Variants in PARP6 observed in about 807,000 individuals in gnomAD.
PARP6 encodes the protein protein mono-ADP-ribosyltransferase PARP6.
Under a neutral mutation model 92.0 loss-of-function variants are expected in PARP6, and 27 were observed. That is an observed-to-expected ratio of 0.29 (90% confidence interval 0.22 to 0.40). The LOEUF is 0.40. Among genes scored for constraint, PARP6 ranks in the 10% least tolerant of loss-of-function variants. PARP6 has a pLI of 1.00. For missense variants in PARP6, 501 were observed against 784.5 expected (o/e 0.64, Z 4.32); for synonymous variants, 272 against 281.2 (o/e 0.97, Z 0.33).
At chr15:72,251,068 A>G in intron 17 of PARP6, 114 bp from the exon 18 acceptor site, 2 of 991,164 alleles carry the variant, frequency 2.0e-6, no homozygotes, top group South Asian at 1.3e-5. Flanking sequence ...ACACAAGGGA[A>G]ATATGCTAAG....
Position 72,242,653 on chromosome 15 carries a change from G to T in PARP6, c.1608C>A (p.Val536=), listed in dbSNP as rs1194031262. ...TGGTATTCATCCTGTTGTATCTCTG[G>T]ACCAGCTCATCCTTGGAGGGCATCC... is the stretch of plus-strand genomic sequence containing the variant. ...QHRMPSKDEL[V]QRYNRMNTIP... is the part of the protein sequence containing the mutation. The change falls in exon 21 of 24, where the codon GTC becomes GTA. Residue 536 remains valine (V), a synonymous_variant. Coordinates refer to ENST00000569795, the MANE Select transcript of PARP6 (RefSeq NM_001323532.2). This position sits in a 1 kb window ranked among gnomAD's most constrained non-coding sequence, Gnocchi z 4.3. The T allele has an allele frequency of 6.2e-7, 1 of 1,612,270 alleles. No individual in the cohort carries two copies. Among genetic ancestry groups the T allele is most frequent in the Non-Finnish European group, 8.5e-7 (1 of 1,178,438 alleles).
intron 11 of PARP6, among the ~76,000 whole-genome samples, chr15:72,259,026 G>A (rs1386648794): frequency 6.6e-6 from 1 of 152,178 alleles, no homozygotes; most frequent in Admixed American, 6.5e-5. Context: ...TGACACACAG[G>A]TGCCATATGA....
intron 20 of PARP6, chr15:72,243,279 G>A (rs1467099916): frequency 6.6e-6 from 1 of 152,286 alleles, no homozygotes. Flanking sequence ...AGGAATGAGG[G>A]GCCCAGGAGA....
chr15:72,251,485 G>T, intron 16 of PARP6: 1 of 329,806 alleles, frequency 3.0e-6, no homozygotes, highest in Non-Finnish European at 5.4e-6. Flanking sequence ...AATTATTGGG[G>T]AGTTAAACAA....
In PARP6 at chr15:72,241,668, C is replaced by T. The variant is rs2083072166; in HGVS notation, c.1791-111G>A. The T allele has an allele frequency of 2.3e-6, 2 of 873,226 alleles. No individual in the cohort carries two copies. The highest frequency in any genetic ancestry group is 2.4e-4 in the Middle Eastern group (1 of 4,226). The allele number at this position is 873,226 out of a possible 1,614,324, so 54.1% of individuals were successfully genotyped here. A position where few individuals can be genotyped will look rare whatever the true frequency, so the allele number is the denominator to read the frequency against. On this transcript the variant is annotated intron_variant, in intron 23 of 23. Coordinates refer to ENST00000569795, the MANE Select transcript of PARP6 (RefSeq NM_001323532.2). This position sits in a 1 kb window ranked among gnomAD's most constrained non-coding sequence, Gnocchi z 4.1. ...GCCATCCCATCCCAGAAGTCAAAGCCCTTTCTCACTGCTTCATAGTGGAAG... is the reference window on the plus strand; with the variant it reads ...GCCATCCCATCCCAGAAGTCAAAGCTCTTTCTCACTGCTTCATAGTGGAAG...
chr15:72,256,948 G>A (rs978038810), intron 13 of PARP6, among the ~76,000 whole-genome samples: 18 of 152,080 alleles, frequency 1.2e-4, no homozygotes, highest in Non-Finnish European at 2.9e-5. Context: ...TGTGATCATG[G>A]CCCACTGCAG....
chr15:72,248,995 A>T (rs1369320668), intron 20 of PARP6: 8 of 327,100 alleles, frequency 2.4e-5, no homozygotes, highest in Non-Finnish European at 4.5e-5. Flanking sequence ...TTATTCCTCC[A>T]CCCATTCCCA....
Position 72,242,169 on chromosome 15 carries a change from C to A in PARP6, c.1693G>T (p.Ala565Ser). 6.2e-7 allele frequency: 1 copy of A among 1,613,906 alleles called. No homozygotes were observed. The highest frequency in any genetic ancestry group is 1.7e-5 in the Admixed American group (1 of 60,030). ...FLQSRNLNCI[A>S]LCEVITSKDL... ...GCAAGCTACCTACCTTCACAAAGTG[C>A]TATACAGTTTAGATTCCGACTCTGC... The change falls in exon 22 of 24, where the codon GCA (alanine) becomes TCA (serine). Residue 565 changes from alanine (A) to serine (S), a missense_variant. Coordinates refer to ENST00000569795, the MANE Select transcript of PARP6 (RefSeq NM_001323532.2). This position sits in a 1 kb window ranked among gnomAD's most constrained non-coding sequence, Gnocchi z 4.3.
At chr15:72,266,049 G>A in intron 4 of PARP6, 58 bp from the exon 5 acceptor site, 1 of 1,135,288 alleles carries the variant, frequency 8.8e-7, no homozygotes, top group Non-Finnish European at 1.3e-6. Flanking sequence ...GGGAAAGAGA[G>A]AGATAATAAA....
At position 72,241,832 on chromosome 15, in the gene PARP6, A is replaced by G; in HGVS notation, c.1790+69T>C. ...CAGATAACAGAAATAGACTTTTCCC[A>G]GTAGCCACACACCATCACACCCCCA... On this transcript the variant is annotated intron_variant, in intron 23 of 23. Coordinates refer to ENST00000569795, the MANE Select transcript of PARP6 (RefSeq NM_001323532.2). This position sits in a 1 kb window ranked among gnomAD's most constrained non-coding sequence, Gnocchi z 4.1. The G allele has an allele frequency of 8.8e-7, 1 of 1,131,928 alleles. No individual in the cohort carries two copies. The highest frequency in any genetic ancestry group is 2.3e-5 in the East Asian group (1 of 42,676). 70.1% of individuals were successfully genotyped at this position (1,131,928 alleles called of 1,614,324 possible). A position where few individuals can be genotyped will look rare whatever the true frequency, so the allele number is the denominator to read the frequency against.
intron 20 of PARP6, among the ~76,000 whole-genome samples, chr15:72,248,559 A>G (rs1245799179): frequency 6.6e-6 from 1 of 152,216 alleles, no homozygotes; most frequent in African/African-American, 2.4e-5. Context: ...AATCCCCTTC[A>G]TGTAGTGAAC....
At chr15:72,245,608 G>C (rs1462989070) in intron 20 of PARP6, 2 of 152,162 alleles carry the variant, frequency 1.3e-5, no homozygotes, top group Non-Finnish European at 2.9e-5. Context: ...CTGTATATCA[G>C]CTTTCTTATC....
At chr15:72,271,605 G>T (rs2087443360) in intron 1 of PARP6, among the ~76,000 whole-genome samples, 1 of 152,232 alleles carries the variant, frequency 6.6e-6, no homozygotes, top group South Asian at 2.1e-4. Context: ...TTTGCTTAAG[G>T]TTAGGAGTAC....
At chr15:72,254,108 C>A (rs1054616503) in intron 15 of PARP6, 5 of 478,336 alleles carry the variant, frequency 1.0e-5, no homozygotes, top group Admixed American at 4.8e-5. Flanking sequence ...GTGTCTAGTT[C>A]CTTACCTTCA....
chr15:72,259,079 A>G (rs777649348), intron 11 of PARP6, among the ~76,000 whole-genome samples: 2 of 152,236 alleles, frequency 1.3e-5, no homozygotes, highest in African/African-American at 2.4e-5. Context: ...GAGACATCAC[A>G]TCTAGTTAAT....
intron 11 of PARP6, among the ~76,000 whole-genome samples, chr15:72,258,992 C>A (rs2085496148): frequency 6.6e-6 from 1 of 152,178 alleles, no homozygotes; most frequent in South Asian, 2.1e-4. Flanking sequence ...AAATTAATAA[C>A]AATTCAAGGC....
At chr15:72,266,967 T>C (rs2086683402) in intron 3 of PARP6, 145 bp from the exon 4 acceptor site, 3 of 645,928 alleles carry the variant, frequency 4.6e-6, no homozygotes, top group South Asian at 1.8e-5. Context: ...ACACCTTTCA[T>C]GTCACCCTTT....
intron 20 of PARP6, among the ~76,000 whole-genome samples, chr15:72,247,725 A>T (rs1016870345): frequency 2.6e-5 from 4 of 152,102 alleles, no homozygotes; most frequent in Admixed American, 2.6e-4. Flanking sequence ...TTTTCTAGAA[A>T]TTTATCCATT....
chr15:72,251,184 TTA>T (rs2084305265), intron 17 of PARP6, 21 bp downstream of exon 17: 1 of 1,522,596 alleles, frequency 6.6e-7, no homozygotes, highest in Non-Finnish European at 9.1e-7. Flanking sequence ...TTTAAAGCAT[TTA>T]GAGGGAGAAT....
Sources: gnomAD v4.1 joint callset for allele counts (sites outside exome capture counted in the v4.1 genomes callset) on GRCh38, gnomAD v4.1.1 for gene constraint, Gnocchi (gnomAD v3.1) non-coding constraint, MANE v1.5 for transcripts, NCBI Gene and HGNC (gene_info 2026-07-23, HGNC 2026-07-21) for gene names.